The following KCNN3 variants were observed in gnomAD, a reference collection of about 807,000 sequenced individuals.
KCNN3 encodes the protein potassium calcium-activated channel subfamily N member 3.
KCNN3 carries 16 observed loss-of-function variants against 62.9 expected under a neutral mutation model. The ratio of observed to expected loss-of-function variants is 0.25; its 90% CI spans 0.17 to 0.39. The LOEUF (loss-of-function observed/expected upper bound fraction) is 0.39. Among genes scored for constraint, KCNN3 ranks in the 10% least tolerant of loss-of-function variants. KCNN3 has a pLI of 1.00. For missense variants in KCNN3, 599 were observed against 949.4 expected (o/e 0.63, Z 4.85); for synonymous variants, 370 against 389.2 (o/e 0.95, Z 0.58).
chr1:154,863,124 C>T (rs983491803), intron 1 of KCNN3, among the ~76,000 whole-genome samples: 28 of 152,290 alleles, frequency 1.8e-4, no homozygotes, highest in African/African-American at 6.7e-4. Context: ...GCCAGCCCAG[C>T]GAAGTGCTGG....
intron 1 of KCNN3, among the ~76,000 whole-genome samples, chr1:154,867,596 C>T (rs1302654454): frequency 6.6e-6 from 1 of 151,938 alleles, no homozygotes; most frequent in Non-Finnish European, 1.5e-5. Flanking sequence ...TAGGTTTTTG[C>T]GGCTGGATTT....
In KCNN3 at chr1:154,708,229, C is replaced by G; in HGVS notation, c.1943G>C (p.Arg648Pro). Residue 648 changes from arginine (R) to proline (P), a missense_variant, in exon 8 of 8, where the codon CGG becomes CCG. Physicochemically the swap from Arg to Pro is moderately radical, Grantham distance 103. Around this residue, in one of 7 missense-constraint regions of KCNN3, gnomAD observed 288 missense variants for 557.4 expected, o/e 0.52. Transcript: ENST00000271915. ...MYDLITELND[R>P]SEDLEKQIGS... ...AATCTGCTTCTCCAGGTCTTCGCTC[C>G]GGTCATTGAGTTCTGTGATTAAGTC... 4.3e-6 allele frequency: 7 copies of G among 1,613,800 alleles called. No homozygotes were observed. The highest frequency in any genetic ancestry group is 5.9e-6 in the Non-Finnish European group (7 of 1,179,928).
chr1:154,767,152 A>G (rs903586691), intron 3 of KCNN3, among the ~76,000 whole-genome samples: 4 of 152,100 alleles, frequency 2.6e-5, no homozygotes, highest in Admixed American at 2.0e-4. Flanking sequence ...GCCTCTTTTT[A>G]TCTCCTTACA....
chr1:154,806,829 A>G (rs562328348), intron 2 of KCNN3, among the ~76,000 whole-genome samples: 30 of 152,326 alleles, frequency 2.0e-4, no homozygotes, highest in South Asian at 1.7e-3. Flanking sequence ...TATAATGTTC[A>G]TAAGGCTTGG....
chr1:154,724,857 T>TTC (rs200452624), intron 5 of KCNN3, among the ~76,000 whole-genome samples: 17 of 148,248 alleles, frequency 1.1e-4, no homozygotes, highest in African/African-American at 1.7e-4. Context: ...ACTAGAATGA[T>TTC]TCTTTTTTTT....
intron 1 of KCNN3, among the ~76,000 whole-genome samples, chr1:154,835,320 C>T (rs1453252411): frequency 6.6e-6 from 1 of 152,124 alleles, no homozygotes; most frequent in Non-Finnish European, 1.5e-5. Context: ...TCAAAAGTGT[C>T]CCAGTTTAGA....
intron 1 of KCNN3, among the ~76,000 whole-genome samples, chr1:154,857,479 T>C (rs1224305069): frequency 1.5e-5 from 2 of 130,746 alleles, no homozygotes; most frequent in African/African-American, 5.7e-5. Flanking sequence ...CCCCTGAGGC[T>C]CTGGGGGAGG....
At chr1:154,730,612 A>G (rs1421174916) in intron 4 of KCNN3, among the ~76,000 whole-genome samples, 2 of 152,168 alleles carry the variant, frequency 1.3e-5, no homozygotes. Context: ...CTGACCCCAG[A>G]GTGAGGCGAC....
At position 154,790,110 on chromosome 1, in the gene KCNN3, G is replaced by A. The variant is rs138313528; in HGVS notation, c.1030-17717C>T. On this transcript the variant is annotated intron_variant, in intron 2 of 7. Transcript: ENST00000271915. ...TTTTTTAGTAGAGAAATGAGGATTC[G>A]CTACATATATGGCAACATATATGTT... Among the ~76,000 whole-genome samples, 844 of 152,136 alleles carry A rather than the reference G, an allele frequency of 5.5e-3. 5 individuals are homozygous for A. Among genetic ancestry groups the A allele is most frequent in the African/African-American group, 0.019 (791 of 41,518 alleles).
rs1007840017 is a variant in KCNN3 at position 154,702,705 on chromosome 1, A to G, written c.*5271T>C. On this transcript the variant is annotated 3_prime_UTR_variant, in exon 8 of 8. Coordinates refer to ENST00000271915, the MANE Select transcript of KCNN3 (RefSeq NM_002249.6). ...GGCTGCTTCGATCTGATTCAGATAT[A>G]TATATATATATATATATATATATAT... is the stretch of plus-strand genomic sequence containing the variant. The G allele has an allele frequency of 1.4e-4, 1 of 7,140 alleles. No homozygotes were observed. The highest frequency in any genetic ancestry group is 1.0e-3 in the African/African-American group (1 of 960). The allele number at this position is 7,140 out of a possible 1,614,324, so 0.4% of individuals were successfully genotyped here. A position where few individuals can be genotyped will look rare whatever the true frequency, so the allele number is the denominator to read the frequency against.
At chr1:154,867,797 CG>C (rs1474979586) in intron 1 of KCNN3, among the ~76,000 whole-genome samples, 2 of 143,804 alleles carry the variant, frequency 1.4e-5, no homozygotes, top group Non-Finnish European at 3.0e-5. Context: ...CGCATGCATA[CG>C]TACAAACATT....
At chr1:154,732,928 CT>C (rs1263926511) in intron 4 of KCNN3, 74 bp downstream of exon 4, 8 of 1,564,706 alleles carry the variant, frequency 5.1e-6, no homozygotes, top group Non-Finnish European at 5.3e-6. Flanking sequence ...AGGAAGGCCC[CT>C]ATGTGCTTGC....
At chr1:154,718,687 C>T (rs918925200) in intron 5 of KCNN3, among the ~76,000 whole-genome samples, 5 of 152,138 alleles carry the variant, frequency 3.3e-5, no homozygotes, top group South Asian at 4.1e-4. Context: ...GCGGAGAAGA[C>T]GGTATGCAGT....
intron 3 of KCNN3, among the ~76,000 whole-genome samples, chr1:154,761,442 C>T (rs1231869548): frequency 1.3e-5 from 2 of 151,830 alleles, no homozygotes; most frequent in Admixed American, 6.6e-5. Flanking sequence ...CACTACAGCC[C>T]GGATGACAGA....
rs114788844 is a variant in KCNN3 at position 154,768,870 on chromosome 1, G to T, written c.1448+3105C>A. On this transcript the variant is annotated intron_variant, in intron 3 of 7. Coordinates refer to ENST00000271915, the MANE Select transcript of KCNN3 (RefSeq NM_002249.6). ...GAGGCAGAGAAAACAGCAAGACTGG[G>T]ATTCACATGTTAGTCTCAGTGGCCT... is the stretch of plus-strand genomic sequence containing the variant. Among the ~76,000 whole-genome samples the T allele has an allele frequency of 8.4e-3, 1,281 of 152,258 alleles. 17 individuals carry two copies. The highest frequency in any genetic ancestry group is 0.029 in the African/African-American group (1,216 of 41,526).
At chr1:154,838,585 C>T (rs372758409) in intron 1 of KCNN3, among the ~76,000 whole-genome samples, 5 of 152,162 alleles carry the variant, frequency 3.3e-5, no homozygotes, top group Non-Finnish European at 5.9e-5. Flanking sequence ...CTTGCTGGGC[C>T]GGGAACAACC....
intron 1 of KCNN3, among the ~76,000 whole-genome samples, chr1:154,853,389 G>A (rs1328145605): frequency 6.6e-6 from 1 of 152,058 alleles, no homozygotes; most frequent in Non-Finnish European, 1.5e-5. Context: ...AGGCTGGAGT[G>A]CAGTGGCACG....
At chr1:154,722,771 G>T (rs1235229332) in intron 5 of KCNN3, among the ~76,000 whole-genome samples, 1 of 146,404 alleles carries the variant, frequency 6.8e-6, no homozygotes, top group Admixed American at 6.9e-5. Context: ...TTGCTCTGTT[G>T]CCCAGGCTGG....
At position 154,699,153 on chromosome 1, in the gene KCNN3, T is replaced by C. The variant is rs1699800679; in HGVS notation, c.*8823A>G. ...TTTGGTGACCTGAGAAAGTTTACCG[T>C]AACTCCATTCAAAACCTTCAGGCAC... is the stretch of plus-strand genomic sequence containing the variant. On this transcript the variant is annotated 3_prime_UTR_variant, in exon 8 of 8. Coordinates refer to ENST00000271915, the MANE Select transcript of KCNN3 (RefSeq NM_002249.6). 2 of 150,288 alleles carry C rather than the reference T, an allele frequency of 1.3e-5. No homozygotes were observed. Among genetic ancestry groups the C allele is most frequent in the Non-Finnish European group, 2.9e-5 (2 of 67,802 alleles). 9.3% of individuals were successfully genotyped at this position (150,288 alleles called of 1,614,324 possible). A position where few individuals can be genotyped will look rare whatever the true frequency, so the allele number is the denominator to read the frequency against.
Sources: allele counts gnomAD v4.1 joint callset (sites outside exome capture counted in the v4.1 genomes callset), GRCh38; gene constraint gnomAD v4.1.1; regional missense constraint gnomAD v4.1.1; transcripts MANE v1.5; gene names NCBI Gene and HGNC (gene_info 2026-07-23, HGNC 2026-07-21).